The following TCF7L1 variants were observed in gnomAD, a reference collection of about 807,000 sequenced individuals.
TCF7L1 encodes transcription factor 7-like 1.
Under a neutral mutation model 63.7 loss-of-function variants are expected in TCF7L1, and 18 were observed. That is an observed-to-expected ratio of 0.28 (90% CI 0.20 to 0.42). The LOEUF (loss-of-function observed/expected upper bound fraction) is 0.42. Ranked by LOEUF, TCF7L1 falls within the 10% of genes least tolerant of loss-of-function variation. The pLI is 1.00. For synonymous variants in TCF7L1, 355 were observed against 340.9 expected, an observed-to-expected ratio of 1.04 and a Z score of -0.46; for missense variants, 654 against 779.3, an observed-to-expected ratio of 0.84 and a Z score of 1.91.
intron 3 of TCF7L1, chr2:85,232,887 G>A (rs1680115409): frequency 6.6e-6 from 1 of 152,178 alleles, no homozygotes; most frequent in Admixed American, 6.5e-5. Context: ...TGTAACTTCA[G>A]AGAACAAAGG....
chr2:85,285,705 G>C (rs1331221271), intron 4 of TCF7L1, among the ~76,000 whole-genome samples: 1 of 152,168 alleles, frequency 6.6e-6, no homozygotes, highest in Non-Finnish European at 1.5e-5. Context: ...GCCCACCCTA[G>C]ACCTGGCTCG....
intron 3 of TCF7L1, among the ~76,000 whole-genome samples, chr2:85,258,378 G>A (rs548570825): frequency 1.2e-4 from 18 of 152,286 alleles, no homozygotes; most frequent in Non-Finnish European, 2.4e-4. Flanking sequence ...TTCCCTGGAC[G>A]TGCACCAAGC....
At chr2:85,163,665 T>A (rs895153944) in intron 3 of TCF7L1, among the ~76,000 whole-genome samples, 7 of 152,184 alleles carry the variant, frequency 4.6e-5, no homozygotes, top group Non-Finnish European at 4.4e-5. Context: ...GAAAGAGTCA[T>A]TGTCTCACAG....
At chr2:85,184,413 A>G (rs1447765293) in intron 3 of TCF7L1, among the ~76,000 whole-genome samples, 1 of 152,130 alleles carries the variant, frequency 6.6e-6, no homozygotes, top group Non-Finnish European at 1.5e-5. Flanking sequence ...TTCCGTGGGG[A>G]AGGTAACCCG....
intron 3 of TCF7L1, chr2:85,186,511 A>T (rs534268162): frequency 2.4e-4 from 36 of 152,290 alleles, no homozygotes; most frequent in African/African-American, 8.7e-4. Flanking sequence ...CTATGCCATA[A>T]ATTTATAATT....
chr2:85,270,713 A>C (rs751169314), intron 3 of TCF7L1, among the ~76,000 whole-genome samples: 11 of 152,124 alleles, frequency 7.2e-5, no homozygotes, highest in Non-Finnish European at 1.2e-4. Flanking sequence ...ATTTAGAGAC[A>C]GAGTCTCACT....
intron 3 of TCF7L1, among the ~76,000 whole-genome samples, chr2:85,274,345 G>A (rs938548476): frequency 1.3e-5 from 2 of 152,206 alleles, no homozygotes; most frequent in African/African-American, 2.4e-5. Context: ...CTGTCCCGGG[G>A]TCCCCCTGGT....
chr2:85,297,859 C>A (rs976348206), intron 4 of TCF7L1, among the ~76,000 whole-genome samples: 28 of 151,720 alleles, frequency 1.8e-4, no homozygotes, highest in Non-Finnish European at 1.5e-5. Context: ...CTGCTCACCC[C>A]CTCTATATTT....
intron 3 of TCF7L1, among the ~76,000 whole-genome samples, chr2:85,226,449 CT>C (rs1470406898): frequency 1.3e-5 from 2 of 152,316 alleles, no homozygotes; most frequent in African/African-American, 2.4e-5. Flanking sequence ...CCTTAAGTCA[CT>C]GGCAAAGCCA....
intron 3 of TCF7L1, among the ~76,000 whole-genome samples, chr2:85,217,600 T>G (rs750638929): frequency 2.0e-5 from 3 of 152,148 alleles, no homozygotes; most frequent in Non-Finnish European, 4.4e-5. Context: ...GCACTTTTCT[T>G]TTTCAGAGTT....
chr2:85,183,670 G>C (rs542060341), intron 3 of TCF7L1, among the ~76,000 whole-genome samples: 7 of 152,172 alleles, frequency 4.6e-5, no homozygotes, highest in Non-Finnish European at 7.3e-5. Flanking sequence ...TGTCTGTGCC[G>C]AGCATTCTGG....
intron 3 of TCF7L1, among the ~76,000 whole-genome samples, chr2:85,140,967 G>C (rs62162828): frequency 0.12 from 17,652 of 152,046 alleles, 1,119 homozygotes; most frequent in Middle Eastern, 0.14. Context: ...CAGAGAGAGA[G>C]GGGACAAGAA....
intron 3 of TCF7L1, among the ~76,000 whole-genome samples, chr2:85,152,736 A>G (rs201862045): frequency 7.6e-6 from 1 of 131,086 alleles, no homozygotes; most frequent in Non-Finnish European, 1.6e-5. Flanking sequence ...CGTCCAGCCT[A>G]GTCTCTTTTT....
intron 3 of TCF7L1, among the ~76,000 whole-genome samples, chr2:85,164,024 T>C (rs1041721945): frequency 5.9e-5 from 9 of 152,180 alleles, no homozygotes; most frequent in African/African-American, 1.9e-4. Context: ...ACTTTTTTTG[T>C]TGGGGGTGTA....
chr2:85,257,909 A>G (rs1196382843), intron 3 of TCF7L1, among the ~76,000 whole-genome samples: 6 of 152,220 alleles, frequency 3.9e-5, no homozygotes, highest in Admixed American at 6.5e-5. Flanking sequence ...GGGATCAGGA[A>G]ATGATTTTCC....
intron 4 of TCF7L1, among the ~76,000 whole-genome samples, chr2:85,299,903 A>ACACACACACACACACACACACACT (rs1558660696): frequency 6.7e-6 from 1 of 150,146 alleles, no homozygotes; most frequent in Non-Finnish European, 1.5e-5. Context: ...ACACACACAC[A>ACACACACACACACACACACACACT]CTGATGCCCA....
At chr2:85,291,165 A>G (rs1681706910) in intron 4 of TCF7L1, among the ~76,000 whole-genome samples, 1 of 152,172 alleles carries the variant, frequency 6.6e-6, no homozygotes, top group African/African-American at 2.4e-5. Flanking sequence ...CAGCCACACC[A>G]TTGGTGTTCT....
chr2:85,274,032 T>A (rs1681215437), intron 3 of TCF7L1, among the ~76,000 whole-genome samples: 1 of 152,058 alleles, frequency 6.6e-6, no homozygotes, highest in African/African-American at 2.4e-5. Flanking sequence ...GAGGGAAGCG[T>A]GTCAGTAGAT....
At chr2:85,175,918 C>G (rs933780959) in intron 3 of TCF7L1, among the ~76,000 whole-genome samples, 1 of 152,158 alleles carries the variant, frequency 6.6e-6, no homozygotes, top group African/African-American at 2.4e-5. Context: ...GGCTGTTGTT[C>G]CTGAAGACGC....
Sources: gnomAD v4.1 joint callset for allele counts (sites outside exome capture counted in the v4.1 genomes callset) on GRCh38, gnomAD v4.1.1 for gene constraint, MANE v1.5 for transcripts, NCBI Gene and HGNC (gene_info 2026-07-23, HGNC 2026-07-21) for gene names.